The following MGA variants were observed in gnomAD, a reference collection of about 807,000 sequenced individuals.
The protein encoded by MGA is MAX gene-associated protein.
A neutral mutation model predicts 261.1 loss-of-function variants in MGA; 40 were observed. That is an observed-to-expected ratio of 0.15 (90% CI 0.12 to 0.20). The LOEUF (loss-of-function observed/expected upper bound fraction) is 0.20, where lower values mean the gene tolerates loss of function less well. Among genes scored for constraint, MGA ranks in the 10% least tolerant of loss-of-function variants. The pLI is 1.00. For synonymous variants in MGA, 1,302 were observed against 1,290.6 expected (o/e 1.01, Z -0.19); for missense variants, 3,397 against 3,630.5 (o/e 0.94, Z 1.65).
Position 41,749,970 on chromosome 15 carries a change from C to T in MGA, c.6363C>T (p.Asp2121=), listed in dbSNP as rs757843930. The change falls in exon 17 of 24, where the codon GAC becomes GAT. Residue 2121 remains aspartate (D), a synonymous_variant. Transcript: ENST00000219905. ...AGGTGGAACAGCAGAAAGGATTTGA[C>T]AATCCAGAAGAAAACTCAAGTGAAT... is the stretch of plus-strand genomic sequence containing the variant. 108 of 1,612,624 alleles carry T rather than the reference C, an allele frequency of 6.7e-5. No homozygotes were observed. Among genetic ancestry groups the T allele is most frequent in the Admixed American group, 3.9e-4 (23 of 59,628 alleles).
At chr15:41,656,632 A>AT (rs1273626000), upstream of MGA, among the ~76,000 whole-genome samples, 1 of 151,990 alleles carries the variant, frequency 6.6e-6, no homozygotes, top group Admixed American at 6.6e-5. Context: ...AAGTTCTGGG[A>AT]TTACAGGCAT....
At chr15:41,745,090 G>A (rs558533991) in intron 15 of MGA, among the ~76,000 whole-genome samples, 2 of 151,988 alleles carry the variant, frequency 1.3e-5, no homozygotes, top group East Asian at 1.9e-4. Context: ...TGTTGACCAG[G>A]CTTGTGTTAA....
intron 2 of MGA, among the ~76,000 whole-genome samples, chr15:41,683,576 A>AT (rs538776351): frequency 0.016 from 2,060 of 126,880 alleles, 45 homozygotes; most frequent in African/African-American, 0.043. Flanking sequence ...TGAATCCCCA[A>AT]TTTTTTTTTT....
chr15:41,644,487 C>T (rs2056894347), intron 1 of MGA, among the ~76,000 whole-genome samples: 1 of 151,728 alleles, frequency 6.6e-6, no homozygotes, highest in Non-Finnish European at 1.5e-5. Flanking sequence ...GAAACCCTGT[C>T]TCTACTAAAA....
At chr15:41,686,203 C>A (rs1277531534) in intron 2 of MGA, among the ~76,000 whole-genome samples, 1 of 151,678 alleles carries the variant, frequency 6.6e-6, no homozygotes, top group Non-Finnish European at 1.5e-5. Flanking sequence ...GCTTGGACTC[C>A]CAGTACTGTG....
rs754269369 is a variant in MGA at position 41,696,947 on chromosome 15, C to T, written c.1937C>T (p.Pro646Leu). The T allele has an allele frequency of 6.2e-7, 1 of 1,603,798 alleles. No homozygotes were observed. Among genetic ancestry groups the T allele is most frequent in the Non-Finnish European group, 8.5e-7 (1 of 1,174,966 alleles). ...TCTACAAAGAATACACCTGTAAGCC[C>T]TGGGAGTACCTTTCCAGATGTGAAG... Residue 646 changes from proline to leucine, a missense_variant, in exon 3 of 24, where the codon CCT becomes CTT. By Grantham distance (98) the Pro-to-Leu change is moderately conservative. Coordinates refer to ENST00000219905, the MANE Select transcript of MGA (RefSeq NM_001164273.2).
At chr15:41,708,373 G>A (rs2060220518) in intron 7 of MGA, among the ~76,000 whole-genome samples, 165 bp downstream of exon 7, 1 of 151,996 alleles carries the variant, frequency 6.6e-6, no homozygotes. Flanking sequence ...GCTGGAGTGC[G>A]ATGGTGTGAT....
intron 18 of MGA, among the ~76,000 whole-genome samples, chr15:41,756,530 C>A (rs886145303): frequency 7.9e-5 from 12 of 152,212 alleles, no homozygotes; most frequent in Admixed American, 2.0e-4. Flanking sequence ...TTCCTCTGCT[C>A]CTATGCCCCA....
At chr15:41,658,968 G>A (rs1436108158), upstream of MGA, among the ~76,000 whole-genome samples, 2 of 152,130 alleles carry the variant, frequency 1.3e-5, no homozygotes, top group African/African-American at 4.8e-5. Flanking sequence ...AAATTTTTAT[G>A]AGGAAACCTC....
intron 20 of MGA, 28 bp downstream of exon 20, chr15:41,760,557 G>A (rs762739784): frequency 1.2e-6 from 2 of 1,604,828 alleles, no homozygotes; most frequent in East Asian, 2.2e-5. Flanking sequence ...ATGACAGTAA[G>A]AGCTTGACTA....
intron 9 of MGA, among the ~76,000 whole-genome samples, chr15:41,720,402 C>T (rs1441279442): frequency 1.3e-5 from 2 of 152,068 alleles, no homozygotes; most frequent in African/African-American, 4.8e-5. Context: ...TGGCTGATGG[C>T]ATGGTGGCTC....
chr15:41,749,597 A>G lies in MGA; in HGVS notation c.5990A>G (p.Glu1997Gly), dbSNP rs1449912525. 5 of 1,613,788 alleles carry G rather than the reference A, an allele frequency of 3.1e-6. No individual in the cohort carries two copies. The South Asian group carries it at 4.4e-5, about 14-fold the overall frequency. The change falls in exon 17 of 24, where the codon GAA (glutamate) becomes GGA (glycine). Residue 1997 changes from glutamate to glycine, a missense_variant. Physicochemically the swap from Glu to Gly is moderately conservative, Grantham distance 98. Transcript: ENST00000219905. Reference sequence around the variant, plus strand: ...GAAACGAAGAAGGTTCTACAGTCAGAAGGAGAGGCTGTAGACCCTGAGGCT... The same window carrying G: ...GAAACGAAGAAGGTTCTACAGTCAGGAGGAGAGGCTGTAGACCCTGAGGCT...
Position 41,764,874 on chromosome 15 carries a change from T to C in MGA, c.7745-12T>C. The stretch of plus-strand genomic sequence containing the variant: ...CCTTTTATCTATAACTAATTTCTGA[T>C]CTTTCTTACAGAAAATACCTCACCC... On this transcript the variant is annotated splice_polypyrimidine_tract_variant and intron_variant, in intron 22 of 23. Coordinates refer to ENST00000219905, the MANE Select transcript of MGA (RefSeq NM_001164273.2). 1 of 1,613,168 alleles carries C rather than the reference T, an allele frequency of 6.2e-7. No individual in the cohort carries two copies. The highest frequency in any genetic ancestry group is 1.1e-5 in the South Asian group (1 of 91,060).
intron 10 of MGA, among the ~76,000 whole-genome samples, chr15:41,728,737 T>A (rs2061368022): frequency 6.6e-6 from 1 of 152,202 alleles, no homozygotes; most frequent in Admixed American, 6.5e-5. Flanking sequence ...CAAACCTGTG[T>A]TATTCAGGGG....
Position 41,761,774 on chromosome 15 carries a change from A to G in MGA, c.7434A>G (p.Ala2478=). ...AAATTCAGGGACTAACAGATCAGGC[A>G]GACAAATTGATAGGACAGAAAAATC... is the stretch of plus-strand genomic sequence containing the variant. Residue 2478 remains alanine (A), a synonymous_variant, in exon 21 of 24, where the codon GCA becomes GCG. Coordinates refer to ENST00000219905, the MANE Select transcript of MGA (RefSeq NM_001164273.2). 1 of 1,599,688 alleles carries G rather than the reference A, an allele frequency of 6.3e-7. No homozygotes were observed. Among genetic ancestry groups the G allele is most frequent in the East Asian group, 2.2e-5 (1 of 44,622 alleles).
At chr15:41,634,638 A>G (rs1164305134) in intron 1 of MGA, among the ~76,000 whole-genome samples, 1 of 152,146 alleles carries the variant, frequency 6.6e-6, no homozygotes, top group African/African-American at 2.4e-5. Context: ...TGCAGGAGAA[A>G]TGGTGATTTA....
In MGA at chr15:41,762,243, C is replaced by T; in HGVS notation, c.7625C>T (p.Pro2542Leu). 1 of 1,613,776 alleles carries T rather than the reference C, an allele frequency of 6.2e-7. No individual in the cohort carries two copies. Among genetic ancestry groups the T allele is most frequent in the Non-Finnish European group, 8.5e-7 (1 of 1,179,816 alleles). ...GGATCAGATGAGTTTGACATATCTC[C>T]CAGAATTAGCAAACAGCAGGAAGGA... The change falls in exon 22 of 24, where the codon CCC becomes CTC. Residue 2542 changes from proline (P) to leucine (L), a missense_variant. Pro to Leu is a moderately conservative substitution (Grantham distance 98). Transcript: ENST00000219905.
intron 9 of MGA, among the ~76,000 whole-genome samples, chr15:41,713,909 A>G (rs959320266): frequency 5.3e-5 from 8 of 152,212 alleles, no homozygotes; most frequent in Admixed American, 2.6e-4. Context: ...CCCTCTGCTC[A>G]TGGTTGGAGA....
intron 1 of MGA, among the ~76,000 whole-genome samples, chr15:41,662,835 C>T (rs2057497339): frequency 6.6e-6 from 1 of 152,132 alleles, no homozygotes; most frequent in Non-Finnish European, 1.5e-5. Context: ...ATACTAACAT[C>T]TTGGTGCCTG....
Sources: allele counts gnomAD v4.1 joint callset (sites outside exome capture counted in the v4.1 genomes callset), GRCh38; gene constraint gnomAD v4.1.1; transcripts MANE v1.5; gene names NCBI Gene and HGNC (gene_info 2026-07-23, HGNC 2026-07-21).